GPHN: variants seen among roughly 807,000 people sequenced by gnomAD.
The protein encoded by GPHN is gephyrin.
GPHN carries 17 observed loss-of-function variants against 95.5 expected under a neutral mutation model. That is an observed-to-expected ratio of 0.18 (90% CI 0.12 to 0.27). The LOEUF is 0.27. Among genes scored for constraint, GPHN ranks in the 10% least tolerant of loss-of-function variants. The probability of loss-of-function intolerance (pLI) is 1.00; values close to 1 mark genes in which losing one functional copy is unlikely to be tolerated. For missense variants in GPHN, 660 were observed against 978.1 expected (o/e 0.67, Z 4.34); for synonymous variants, 320 against 322.5 (o/e 0.99, Z 0.08).
At chr14:66,830,351 C>G (rs893195208) in intron 4 of GPHN, among the ~76,000 whole-genome samples, 1 of 151,726 alleles carries the variant, frequency 6.6e-6, no homozygotes, top group African/African-American at 2.4e-5. Context: ...GACAATATAG[C>G]CTAATAAAAA....
intron 1 of GPHN, among the ~76,000 whole-genome samples, chr14:66,526,205 G>A (rs142225009): frequency 0.031 from 4,648 of 151,998 alleles, 88 homozygotes; most frequent in Non-Finnish European, 0.043. Flanking sequence ...CTTCACATCC[G>A]TTGTAAGTTG....
chr14:66,609,590 A>G (rs1422427984), intron 1 of GPHN, among the ~76,000 whole-genome samples: 9 of 152,074 alleles, frequency 5.9e-5, no homozygotes, highest in Admixed American at 5.2e-4. Context: ...TTTGGTCTCT[A>G]TATAATCCCA....
At chr14:67,338,013 A>C in the GPHN span, 1 of 152,232 alleles carries the variant, frequency 6.6e-6, no homozygotes, top group Non-Finnish European at 1.5e-5. Flanking sequence ...TCTGGCTGAC[A>C]CTACTGATCT....
At chr14:67,586,337 C>T in the GPHN span, 1 of 1,401,146 alleles carries the variant, frequency 7.1e-7, no homozygotes, top group South Asian at 1.2e-5. Context: ...TACTATTATG[C>T]TCTTCACTTT....
intron 2 of GPHN, among the ~76,000 whole-genome samples, chr14:66,729,518 C>T (rs1257669832): frequency 6.6e-6 from 1 of 151,912 alleles, no homozygotes; most frequent in Non-Finnish European, 1.5e-5. Flanking sequence ...CGAGTAGTTG[C>T]CTGAGGTAGA....
chr14:67,683,698 A>G, the GPHN span, among the ~76,000 whole-genome samples: 3 of 152,208 alleles, frequency 2.0e-5, no homozygotes, highest in Non-Finnish European at 4.4e-5. Context: ...TAAACACTAA[A>G]GATAGCTGGC....
the GPHN span, among the ~76,000 whole-genome samples, chr14:67,450,594 CT>C: frequency 7.5e-3 from 1,144 of 152,302 alleles, 14 homozygotes; most frequent in African/African-American, 0.026. Flanking sequence ...CATTTTGCCC[CT>C]GCCCTAGAGA....
chr14:67,311,806 A>C, the GPHN span, among the ~76,000 whole-genome samples: 3 of 152,364 alleles, frequency 2.0e-5, no homozygotes, highest in African/African-American at 2.4e-5. Context: ...TAATATGTCA[A>C]AGCCTACATA....
intron 11 of GPHN, among the ~76,000 whole-genome samples, chr14:67,066,529 A>G (rs1019467074): frequency 5.3e-5 from 8 of 152,150 alleles, no homozygotes; most frequent in Non-Finnish European, 8.8e-5. Context: ...GTGTTTTTCA[A>G]CCTGGTTCCA....
chr14:66,664,720 A>G (rs1275515522), intron 1 of GPHN, among the ~76,000 whole-genome samples: 1 of 151,854 alleles, frequency 6.6e-6, no homozygotes, highest in East Asian at 1.9e-4. Context: ...GATTAATAAA[A>G]TAGGCCACTA....
At chr14:67,442,166 G>C in the GPHN span, among the ~76,000 whole-genome samples, 5 of 151,972 alleles carry the variant, frequency 3.3e-5, no homozygotes, top group African/African-American at 1.2e-4. Flanking sequence ...TGGAAGAATG[G>C]GCCCACAGAG....
At chr14:67,374,505 G>T in the GPHN span, 1 of 1,607,188 alleles carries the variant, frequency 6.2e-7, no homozygotes. Flanking sequence ...TTTCTCCAGA[G>T]GAAGCAATCA....
chr14:67,060,688 T>C (rs2075790370), intron 11 of GPHN, among the ~76,000 whole-genome samples: 1 of 152,256 alleles, frequency 6.6e-6, no homozygotes, highest in South Asian at 2.1e-4. Context: ...ACTTGTCTCC[T>C]TTAATTGGCT....
At chr14:67,570,279 C>T in the GPHN span, 2 of 963,226 alleles carry the variant, frequency 2.1e-6, no homozygotes, top group East Asian at 1.1e-4. Flanking sequence ...CACCTTTTCT[C>T]ATGTCTGCCT....
chr14:67,093,321 A>G (rs1458272792), intron 12 of GPHN, among the ~76,000 whole-genome samples: 2 of 152,124 alleles, frequency 1.3e-5, no homozygotes, highest in East Asian at 3.8e-4. Flanking sequence ...TTTACCTCAC[A>G]TACAGTGGGT....
At chr14:66,966,043 T>A (rs189286432) in intron 9 of GPHN, among the ~76,000 whole-genome samples, 20 of 152,336 alleles carry the variant, frequency 1.3e-4, no homozygotes, top group African/African-American at 4.8e-4. Context: ...GTTAGTCATT[T>A]GTGCTTTCAA....
At chr14:67,426,929 G>A in the GPHN span, among the ~76,000 whole-genome samples, 2 of 152,146 alleles carry the variant, frequency 1.3e-5, no homozygotes, top group South Asian at 4.2e-4. Flanking sequence ...TATAGCTCAG[G>A]GGCAGAGGAG....
chr14:67,623,534 CTTTTTTTTTTT>C, the GPHN span, among the ~76,000 whole-genome samples: 61 of 82,948 alleles, frequency 7.4e-4, 1 homozygote, highest in African/African-American at 2.6e-3. Flanking sequence ...CTCAGGTAAC[CTTTTTTTTTTT>C]TTTTTTTTTT....
At chr14:67,507,998 C>T in the GPHN span, among the ~76,000 whole-genome samples, 6 of 152,092 alleles carry the variant, frequency 3.9e-5, no homozygotes, top group South Asian at 2.1e-4. Context: ...ATTAGCCGGA[C>T]GTGGGGGCGC....
Sources: allele counts gnomAD v4.1 joint callset (sites outside exome capture counted in the v4.1 genomes callset), GRCh38; gene constraint gnomAD v4.1.1; transcripts MANE v1.5; gene names NCBI Gene and HGNC (gene_info 2026-07-23, HGNC 2026-07-21).